The following MACROD2 variants were observed in gnomAD, a reference collection of about 807,000 sequenced individuals.
The protein encoded by MACROD2 is ADP-ribose glycohydrolase MACROD2.
In MACROD2, 36 loss-of-function variants were observed where a neutral mutation model predicts 70.4. The ratio of observed to expected loss-of-function variants is 0.51; its 90% CI spans 0.39 to 0.68. The LOEUF is 0.68. MACROD2 is among the 30% of genes least tolerant of loss of function. The pLI is 0.00. For synonymous variants in MACROD2, 172 were observed against 178.8 expected (o/e 0.96, Z 0.30); for missense variants, 496 against 538.4 (o/e 0.92, Z 0.78).
intron 3 of MACROD2, among the ~76,000 whole-genome samples, chr20:14,423,398 G>A (rs937316618): frequency 1.7e-4 from 26 of 151,336 alleles, no homozygotes; most frequent in Non-Finnish European, 3.5e-4. Flanking sequence ...AGGCGGTGGG[G>A]GTGTTTAAGA....
At chr20:14,032,687 A>G (rs566223371) in intron 2 of MACROD2, among the ~76,000 whole-genome samples, 7 of 152,288 alleles carry the variant, frequency 4.6e-5, no homozygotes, top group South Asian at 2.1e-4. Flanking sequence ...TGAGCACTAT[A>G]TAAGTTGGCT....
At chr20:16,041,338 T>C (rs1301479499) in intron 16 of MACROD2, 60 bp downstream of exon 16, 2 of 1,346,470 alleles carry the variant, frequency 1.5e-6, no homozygotes, top group African/African-American at 1.5e-5. Context: ...TTTCTATGTG[T>C]AATCTAGGAT....
At chr20:14,168,512 C>T (rs2081190790) in intron 3 of MACROD2, among the ~76,000 whole-genome samples, 2 of 152,114 alleles carry the variant, frequency 1.3e-5, no homozygotes, top group African/African-American at 4.8e-5. Context: ...GTTATTAGCA[C>T]CTTGCATTAT....
intron 15 of MACROD2, among the ~76,000 whole-genome samples, chr20:15,998,277 G>A (rs1284790894): frequency 6.6e-6 from 1 of 152,092 alleles, no homozygotes; most frequent in Admixed American, 6.5e-5. Context: ...TTAAATGTTT[G>A]GTAGAATTCA....
intron 5 of MACROD2, among the ~76,000 whole-genome samples, chr20:15,131,434 C>G (rs535726727): frequency 3.9e-5 from 6 of 152,152 alleles, no homozygotes; most frequent in Admixed American, 3.3e-4. Context: ...AAACAAGTCA[C>G]TTACACCACA....
intron 3 of MACROD2, among the ~76,000 whole-genome samples, chr20:14,492,590 ATTTTTTTAGTC>A (rs2084806845): frequency 6.6e-6 from 1 of 152,048 alleles, no homozygotes; most frequent in Non-Finnish European, 1.5e-5. Flanking sequence ...TTCCTAAATT[ATTTTTTTAGTC>A]TTTTGGTAAC....
At chr20:15,565,023 A>G (rs2048292662) in intron 8 of MACROD2, among the ~76,000 whole-genome samples, 1 of 152,294 alleles carries the variant, frequency 6.6e-6, no homozygotes, top group Middle Eastern at 3.4e-3. Context: ...ATTGCATTTA[A>G]TTGCCATCTC....
At chr20:15,641,911 A>G (rs960631321) in intron 8 of MACROD2, among the ~76,000 whole-genome samples, 5 of 152,226 alleles carry the variant, frequency 3.3e-5, no homozygotes, top group Admixed American at 6.5e-5. Flanking sequence ...AGTGTGAACC[A>G]TGAAACAGTA....
At chr20:15,643,139 G>A (rs1287345120) in intron 8 of MACROD2, among the ~76,000 whole-genome samples, 1 of 152,174 alleles carries the variant, frequency 6.6e-6, no homozygotes, top group East Asian at 1.9e-4. Flanking sequence ...CTTCCATGAT[G>A]TATATTTATG....
chr20:15,036,470 T>TC (rs2075314139), intron 5 of MACROD2, among the ~76,000 whole-genome samples: 1 of 151,954 alleles, frequency 6.6e-6, no homozygotes, highest in South Asian at 2.1e-4. Context: ...GTATCCCCCT[T>TC]CCCCCCACCA....
chr20:14,296,908 A>G (rs6110234), intron 3 of MACROD2, among the ~76,000 whole-genome samples: 3,146 of 152,044 alleles, frequency 0.021, 164 homozygotes, highest in African/African-American at 0.073. Context: ...GCAACCCTGC[A>G]TCAAGTAAGT....
chr20:15,580,532 AT>A (rs1293819910), intron 8 of MACROD2, among the ~76,000 whole-genome samples: 3 of 152,158 alleles, frequency 2.0e-5, no homozygotes, highest in African/African-American at 7.2e-5. Flanking sequence ...TTCCAAACCC[AT>A]AAGTCTTCTT....
intron 3 of MACROD2, among the ~76,000 whole-genome samples, chr20:14,272,328 G>C (rs1345675854): frequency 1.3e-5 from 2 of 152,150 alleles, no homozygotes; most frequent in African/African-American, 4.8e-5. Context: ...GAAGACAGTG[G>C]AGGGCAATAT....
intron 6 of MACROD2, among the ~76,000 whole-genome samples, chr20:15,358,499 A>T (rs1038555841): frequency 6.6e-6 from 1 of 152,110 alleles, no homozygotes; most frequent in Admixed American, 6.6e-5. Flanking sequence ...CAACAAATAA[A>T]TATATTGTCA....
In MACROD2 at chr20:14,186,709, C is replaced by A. The variant is rs565351940; in HGVS notation, c.271+100981C>A. On this transcript the variant is annotated intron_variant, in intron 3 of 17. Transcript: ENST00000684519. ...TGGAATCAACCTAGATGCCCATCAA[C>A]AGTGGACTGGATAAAGAAAATATGT... 3.9e-5 allele frequency among the ~76,000 whole-genome samples: 6 copies of A among 152,244 alleles called. 1 individual carries two copies. The South Asian group carries it at 1.2e-3, about 32-fold the overall frequency.
intron 5 of MACROD2, among the ~76,000 whole-genome samples, chr20:14,812,405 C>T (rs1235597536): frequency 6.6e-6 from 1 of 151,866 alleles, no homozygotes; most frequent in African/African-American, 2.4e-5. Flanking sequence ...GAACATCACA[C>T]ACCAGGGCCT....
intron 6 of MACROD2, among the ~76,000 whole-genome samples, chr20:15,345,517 C>T (rs1045498560): frequency 6.6e-6 from 1 of 152,122 alleles, no homozygotes; most frequent in African/African-American, 2.4e-5. Flanking sequence ...CAAATCTGTG[C>T]CCTTTGACAT....
chr20:14,544,927 A>G (rs574912641), intron 4 of MACROD2, among the ~76,000 whole-genome samples: 9 of 152,244 alleles, frequency 5.9e-5, no homozygotes, highest in African/African-American at 2.2e-4. Context: ...GCAGGCAGAG[A>G]AGCTTTCAGG....
At chr20:16,028,951 C>A (rs530088964) in intron 15 of MACROD2, among the ~76,000 whole-genome samples, 2 of 152,312 alleles carry the variant, frequency 1.3e-5, no homozygotes, top group South Asian at 4.1e-4. Context: ...AACAAAATAC[C>A]TTAGGCTGGG....
Sources: allele counts gnomAD v4.1 joint callset (sites outside exome capture counted in the v4.1 genomes callset), GRCh38; gene constraint gnomAD v4.1.1; transcripts MANE v1.5; gene names NCBI Gene and HGNC (gene_info 2026-07-23, HGNC 2026-07-21).